PCDH15: variants seen among roughly 807,000 people sequenced by gnomAD.
The protein encoded by PCDH15 is protocadherin-15.
In PCDH15, 129 loss-of-function variants were observed where a neutral mutation model predicts 178.5. The observed-to-expected ratio is 0.72, with a 90% CI of 0.63 to 0.84. The LOEUF is 0.84. Among genes scored for constraint, PCDH15 ranks in the 40% least tolerant of loss-of-function variants. PCDH15 has a pLI of 0.00. For missense variants in PCDH15, 2,230 were observed against 2,099.9 expected (o/e 1.06, Z -1.21); for synonymous variants, 800 against 732.0 (o/e 1.09, Z -1.50).
intron 2 of PCDH15, among the ~76,000 whole-genome samples, chr10:55,429,668 C>A (rs761113224): frequency 2.2e-4 from 33 of 152,294 alleles, no homozygotes; most frequent in Middle Eastern, 3.4e-3. Flanking sequence ...AACAAACATT[C>A]TCTGCCTCCT....
chr10:54,940,799 T>TA (rs34669006), intron 2 of PCDH15, among the ~76,000 whole-genome samples: 63,441 of 150,912 alleles, frequency 0.42, 14,438 homozygotes, highest in Middle Eastern at 0.53. Context: ...CTGCGGTAAT[T>TA]AAAAAAAAAC....
intron 20 of PCDH15, among the ~76,000 whole-genome samples, chr10:54,017,270 C>G (rs1031228555): frequency 6.6e-6 from 1 of 152,010 alleles, no homozygotes; most frequent in Non-Finnish European, 1.5e-5. Context: ...GGTGATCCAC[C>G]CACCTTGGTC....
At chr10:55,008,693 C>T (rs1471143926) in intron 2 of PCDH15, among the ~76,000 whole-genome samples, 3 of 152,086 alleles carry the variant, frequency 2.0e-5, no homozygotes, top group Non-Finnish European at 4.4e-5. Flanking sequence ...GACTCAAAGA[C>T]AGGCAGGCCT....
At chr10:54,790,207 G>A (rs1001558579) in intron 1 of PCDH15, among the ~76,000 whole-genome samples, 3 of 151,682 alleles carry the variant, frequency 2.0e-5, no homozygotes. Context: ...TTGAGTACAG[G>A]AATGTCTACC....
At chr10:54,188,248 C>G (rs11004127) in intron 11 of PCDH15, among the ~76,000 whole-genome samples, 66,189 of 151,642 alleles carry the variant, frequency 0.44, 17,554 homozygotes, top group East Asian at 0.94. Flanking sequence ...TTGAATTTTG[C>G]AATTCCTAAA....
chr10:54,247,886 GTA>G (rs541416891), intron 8 of PCDH15, among the ~76,000 whole-genome samples: 1 of 141,844 alleles, frequency 7.1e-6, no homozygotes, highest in African/African-American at 2.6e-5. Context: ...AAAGAAATAT[GTA>G]TATATATATA....
chr10:54,319,545 G>A (rs1328783907), intron 7 of PCDH15, among the ~76,000 whole-genome samples: 1 of 152,122 alleles, frequency 6.6e-6, no homozygotes, highest in African/African-American at 2.4e-5. Context: ...CATGAGTGGT[G>A]CCAGCTCTTT....
At chr10:54,297,368 C>T (rs2059867338) in intron 8 of PCDH15, among the ~76,000 whole-genome samples, 1 of 152,050 alleles carries the variant, frequency 6.6e-6, no homozygotes, top group Non-Finnish European at 1.5e-5. Flanking sequence ...GAAAAATGGC[C>T]ACCCGAGGGA....
chr10:54,513,115 A>C lies in PCDH15; in HGVS notation c.157+14697T>G, dbSNP rs191056721. Among the ~76,000 whole-genome samples the C allele has an allele frequency of 3.7e-4, 57 of 152,136 alleles. 1 individual carries two copies. In the East Asian group the frequency reaches 9.8e-3, roughly 26 times the overall value. Reference sequence around the variant, plus strand: ...TATTCTTAAATGTACAAAACATTTTAAAAATATGAATACATAAAATATGTA... The same window carrying C: ...TATTCTTAAATGTACAAAACATTTTCAAAATATGAATACATAAAATATGTA... On this transcript the variant is annotated intron_variant, in intron 3 of 37. Transcript: ENST00000644397.
chr10:54,601,354 C>CTT (rs762007670), intron 2 of PCDH15, among the ~76,000 whole-genome samples: 2 of 151,666 alleles, frequency 1.3e-5, no homozygotes, highest in Non-Finnish European at 2.9e-5. Flanking sequence ...AACAGCCCCA[C>CTT]TAAAAAGGGT....
intron 25 of PCDH15, among the ~76,000 whole-genome samples, chr10:53,913,371 T>C (rs1372752022): frequency 1.3e-5 from 2 of 152,032 alleles, no homozygotes; most frequent in African/African-American, 4.8e-5. Flanking sequence ...ACTGAGGACT[T>C]AGGCATGACT....
intron 26 of PCDH15, among the ~76,000 whole-genome samples, chr10:53,902,197 C>T (rs1331191242): frequency 1.3e-5 from 2 of 152,228 alleles, no homozygotes; most frequent in African/African-American, 2.4e-5. Context: ...TTGTGGACTA[C>T]TTTTAGTTAA....
chr10:54,124,560 G>T (rs2041830570), intron 15 of PCDH15, among the ~76,000 whole-genome samples: 4 of 152,162 alleles, frequency 2.6e-5, no homozygotes, highest in Admixed American at 2.6e-4. Flanking sequence ...GCATTGCCAT[G>T]AAATAAACAT....
At chr10:54,252,235 C>A (rs2056540973) in intron 8 of PCDH15, among the ~76,000 whole-genome samples, 1 of 152,086 alleles carries the variant, frequency 6.6e-6, no homozygotes, top group Admixed American at 6.6e-5. Flanking sequence ...CTTGTCATCC[C>A]TTTTTGCTGT....
At chr10:55,210,637 T>TTTTTTTTTTTTTTTTTG in intron 1 of PCDH15, among the ~76,000 whole-genome samples, 1 of 131,728 alleles carries the variant, frequency 7.6e-6, no homozygotes, top group Non-Finnish European at 1.6e-5. Context: ...TTTTTTTTTT[T>TTTTTTTTTTTTTTTTTG]TTTTTTTTTT....
chr10:54,746,345 C>T (rs567967079), intron 1 of PCDH15, among the ~76,000 whole-genome samples: 4 of 93,756 alleles, frequency 4.3e-5, no homozygotes, highest in Non-Finnish European at 8.7e-5. Context: ...CAGGTAGTGG[C>T]GATGGTTAAT....
intron 26 of PCDH15, among the ~76,000 whole-genome samples, chr10:53,892,051 C>G (rs2081603265): frequency 1.8e-5 from 2 of 113,648 alleles, no homozygotes; most frequent in South Asian, 5.7e-4. Flanking sequence ...TTTTCCAAGA[C>G]AGAGTCTCTG....
rs547895060 is a variant in PCDH15, at chr10:55,074,527, G to T, written c.-80+92049C>A. On this transcript the variant is annotated intron_variant, in intron 2 of 5. Coordinates refer to the PCDH15 transcript ENST00000458638. ...AAATGTCTTCTTTTGAGAAGTGTCT[G>T]TTCATGTCCTTTGATCACTTTTTAA... Among the ~76,000 whole-genome samples, 3 of 152,252 alleles carry T rather than the reference G, an allele frequency of 2.0e-5. No homozygotes were observed. In the South Asian group the frequency reaches 6.2e-4, roughly 32 times the overall value.
At chr10:53,960,383 CT>C (rs1336728568) in intron 22 of PCDH15, among the ~76,000 whole-genome samples, 1 of 152,116 alleles carries the variant, frequency 6.6e-6, no homozygotes, top group East Asian at 1.9e-4. Context: ...GTTTAACACT[CT>C]TTGGTATACT....
Sources: allele counts gnomAD v4.1 joint callset (sites outside exome capture counted in the v4.1 genomes callset), GRCh38; gene constraint gnomAD v4.1.1; transcripts MANE v1.5; gene names NCBI Gene and HGNC (gene_info 2026-07-23, HGNC 2026-07-21).